The following PITPNB variants were observed in gnomAD, a reference collection of about 807,000 sequenced individuals.
The protein encoded by PITPNB is phosphatidylinositol transfer protein beta isoform.
Under a neutral mutation model 45.9 loss-of-function variants are expected in PITPNB, and 16 were observed. The ratio of observed to expected loss-of-function variants is 0.35; its 90% CI spans 0.24 to 0.53. The LOEUF (loss-of-function observed/expected upper bound fraction) is 0.53, where lower values mean the gene tolerates loss of function less well. Among genes scored for constraint, PITPNB ranks in the 20% least tolerant of loss-of-function variants. PITPNB has a pLI of 0.93. For synonymous variants in PITPNB, 112 were observed against 108.9 expected, an observed-to-expected ratio of 1.03 and a Z score of -0.18; for missense variants, 188 against 330.5, an observed-to-expected ratio of 0.57 and a Z score of 3.34.
At chr22:27,863,284 A>G (rs1363039955) in intron 8 of PITPNB, among the ~76,000 whole-genome samples, 1 of 152,114 alleles carries the variant, frequency 6.6e-6, no homozygotes, top group African/African-American at 2.4e-5. Context: ...CTCTATCAGG[A>G]CTTTTCATTC....
At chr22:27,913,012 G>T (rs1163140501) in intron 2 of PITPNB, among the ~76,000 whole-genome samples, 1 of 151,196 alleles carries the variant, frequency 6.6e-6, no homozygotes. Flanking sequence ...AAGGTGGGGG[G>T]GGGAGTATAA....
chr22:27,879,032 CT>C (rs894269412), intron 7 of PITPNB, among the ~76,000 whole-genome samples: 117 of 147,324 alleles, frequency 7.9e-4, no homozygotes, highest in Non-Finnish European at 1.0e-3. Context: ...GAACATAACA[CT>C]TTTTTTTTTT....
chr22:27,853,721 T>C (rs997826773), intron 11 of PITPNB, 58 bp from the exon 12 acceptor site: 1 of 1,215,406 alleles, frequency 8.2e-7, no homozygotes, highest in Non-Finnish European at 1.2e-6. Context: ...CAGGAAATGT[T>C]AGCAGCTCGT....
At chr22:27,914,207 T>C in intron 2 of PITPNB, 110 bp downstream of exon 2, 1 of 712,276 alleles carries the variant, frequency 1.4e-6, no homozygotes, top group African/African-American at 1.8e-5. Flanking sequence ...TTTTGTCACA[T>C]AAGGTGGAAT....
At chr22:27,897,735 T>C (rs1257338894) in intron 4 of PITPNB, 66 bp downstream of exon 4, 3 of 1,021,830 alleles carry the variant, frequency 2.9e-6, no homozygotes, top group Non-Finnish European at 4.7e-6. Flanking sequence ...TCAAAGACAC[T>C]GGTACTGGGA....
intron 8 of PITPNB, among the ~76,000 whole-genome samples, chr22:27,864,350 C>A (rs1486563300): frequency 2.6e-5 from 4 of 152,140 alleles, no homozygotes; most frequent in South Asian, 2.1e-4. Flanking sequence ...GTCTGAATGT[C>A]GTACATTAAC....
Position 27,885,573 on chromosome 22 carries a change from G to A in PITPNB, c.456+8982C>T, listed in dbSNP as rs760959589. ...TGCCCAGGCTGGAGTACAGTGGCATGATCATAGCTCACTGCAGCCTCGAAC... is the reference window on the plus strand; with the variant it reads ...TGCCCAGGCTGGAGTACAGTGGCATAATCATAGCTCACTGCAGCCTCGAAC... On this transcript the variant is annotated intron_variant, in intron 7 of 11. Coordinates refer to ENST00000335272, the MANE Select transcript of PITPNB (RefSeq NM_012399.5). Among the ~76,000 whole-genome samples the A allele has an allele frequency of 2.0e-5, 3 of 152,252 alleles. No homozygotes were observed. The East Asian group carries it at 5.8e-4, about 29-fold the overall frequency.
At chr22:27,868,702 C>T (rs73166734) in intron 8 of PITPNB, among the ~76,000 whole-genome samples, 140 of 152,222 alleles carry the variant, frequency 9.2e-4, no homozygotes, top group Non-Finnish European at 1.7e-3. Context: ...AGAACATGTA[C>T]ATAAAGATAA....
At chr22:27,881,228 T>G (rs1216092204) in intron 7 of PITPNB, among the ~76,000 whole-genome samples, 1 of 152,224 alleles carries the variant, frequency 6.6e-6, no homozygotes, top group Non-Finnish European at 1.5e-5. Context: ...AAAGGCAAGA[T>G]GAGACAGGCG....
Position 27,860,258 on chromosome 22 carries a change from G to A in PITPNB, c.535-17C>T, listed in dbSNP as rs751024328. On this transcript the variant is annotated splice_polypyrimidine_tract_variant and intron_variant, in intron 8 of 11. Coordinates refer to ENST00000335272, the MANE Select transcript of PITPNB (RefSeq NM_012399.5). The stretch of plus-strand genomic sequence containing the variant: ...CAGCTCCTTCTAGATGAGAAAAATT[G>A]AAAAGGAGAAATTATGACTTAAATA... 2 of 1,441,606 alleles carry A rather than the reference G, an allele frequency of 1.4e-6. No homozygotes were observed. Among genetic ancestry groups the A allele is most frequent in the South Asian group, 1.2e-5 (1 of 83,682 alleles). The allele number at this position is 1,441,606 out of a possible 1,614,324, so 89.3% of individuals were successfully genotyped here. A position where few individuals can be genotyped will look rare whatever the true frequency, so the allele number is the denominator to read the frequency against.
At chr22:27,886,442 A>C (rs746323578) in intron 7 of PITPNB, among the ~76,000 whole-genome samples, 8 of 152,232 alleles carry the variant, frequency 5.3e-5, no homozygotes, top group Non-Finnish European at 1.0e-4. Flanking sequence ...TTTTAAAACA[A>C]ATCCTTGTTC....
intron 5 of PITPNB, 115 bp downstream of exon 5, chr22:27,897,015 C>T (rs1055746889): frequency 1.3e-6 from 1 of 795,718 alleles, no homozygotes; most frequent in Non-Finnish European, 2.2e-6. Flanking sequence ...TGGTGGGACA[C>T]AGGAAGGAAC....
At chr22:27,914,208 A>G (rs1936013166) in intron 2 of PITPNB, 109 bp downstream of exon 2, 1 of 716,046 alleles carries the variant, frequency 1.4e-6, no homozygotes, top group African/African-American at 1.8e-5. Flanking sequence ...TTTGTCACAT[A>G]AGGTGGAATG....
chr22:27,910,857 A>G (rs528796989), intron 3 of PITPNB, 107 bp downstream of exon 3: 1 of 759,580 alleles, frequency 1.3e-6, no homozygotes, highest in African/African-American at 1.7e-5. Context: ...ATATATTATC[A>G]AACTGAAATT....
At chr22:27,887,966 CT>C (rs1359221894) in intron 7 of PITPNB, among the ~76,000 whole-genome samples, 1 of 152,194 alleles carries the variant, frequency 6.6e-6, no homozygotes, top group African/African-American at 2.4e-5. Context: ...AGTTTATCCC[CT>C]GATCCACTGC....
At chr22:27,915,991 T>C (rs1266628867) in intron 1 of PITPNB, among the ~76,000 whole-genome samples, 2 of 152,046 alleles carry the variant, frequency 1.3e-5, no homozygotes, top group Non-Finnish European at 2.9e-5. Flanking sequence ...AAGCTATCTT[T>C]TGGGAGGCTA....
chr22:27,902,299 T>TC lies in PITPNB; in HGVS notation c.198-4408dup, dbSNP rs1164724995. Among the ~76,000 whole-genome samples, 5 of 152,032 alleles carry TC rather than the reference T, an allele frequency of 3.3e-5. No homozygotes were observed. In the East Asian group the frequency reaches 9.7e-4, roughly 29 times the overall value. ...AAAAGACTTAACGTGCTTGAGCCAC[T>TC]CTTAGGCCTCCAGCATGGCTAGACT... On this transcript the variant is annotated intron_variant, in intron 3 of 11. Transcript: ENST00000335272.
At chr22:27,918,546 C>T (rs1936155924) in intron 1 of PITPNB, among the ~76,000 whole-genome samples, 1 of 152,194 alleles carries the variant, frequency 6.6e-6, no homozygotes, top group Admixed American at 6.5e-5. Context: ...AGGTGGGGCC[C>T]GGGATGTCAC....
At position 27,870,853 on chromosome 22, in the gene PITPNB, T is replaced by C. The variant is rs549115982; in HGVS notation, c.534+2885A>G. On this transcript the variant is annotated intron_variant, in intron 8 of 11. Coordinates refer to ENST00000335272, the MANE Select transcript of PITPNB (RefSeq NM_012399.5). ...CCCTCCACAGCAGCAAGTGGATGGC[T>C]TAATTATTATCAGTTATTCTTGACT... Among the ~76,000 whole-genome samples the C allele has an allele frequency of 1.2e-4, 19 of 152,360 alleles. No homozygotes were observed. In the South Asian group the frequency reaches 3.9e-3, roughly 32 times the overall value.
Sources: allele counts gnomAD v4.1 joint callset (sites outside exome capture counted in the v4.1 genomes callset), GRCh38; gene constraint gnomAD v4.1.1; transcripts MANE v1.5; gene names NCBI Gene and HGNC (gene_info 2026-07-23, HGNC 2026-07-21).